The following WNT7A variants were observed in gnomAD, a reference collection of about 807,000 sequenced individuals.
WNT7A encodes the protein Wnt family member 7A, also known as protein Wnt-7a.
In WNT7A, 16 loss-of-function variants were observed where a neutral mutation model predicts 28.2. The observed-to-expected ratio is 0.57, with a 90% CI of 0.38 to 0.86. The LOEUF is 0.86. Among genes scored for constraint, WNT7A ranks in the 40% least tolerant of loss-of-function variants. WNT7A has a pLI of 0.00. For missense variants in WNT7A, 411 were observed against 489.7 expected (o/e 0.84, Z 1.52); for synonymous variants, 190 against 195.9 (o/e 0.97, Z 0.25).
At chr3:13,832,578 T>G (rs879792358) in intron 3 of WNT7A, among the ~76,000 whole-genome samples, 1 of 152,180 alleles carries the variant, frequency 6.6e-6, no homozygotes, top group Admixed American at 6.5e-5. Context: ...CGATCCATCT[T>G]AGCAGAAAGC....
chr3:13,856,890 GAAAAAGAAGAAGAAGAA>G (rs1694742305), intron 2 of WNT7A, among the ~76,000 whole-genome samples: 3 of 69,154 alleles, frequency 4.3e-5, no homozygotes, highest in East Asian at 7.0e-4. Context: ...GGAAGAAGAA[GAAAAAGAAGAAGAAGAA>G]GAAGAAGAAG....
intron 3 of WNT7A, among the ~76,000 whole-genome samples, chr3:13,839,122 T>C (rs1479475807): frequency 2.6e-5 from 4 of 152,214 alleles, no homozygotes; most frequent in African/African-American, 9.6e-5. Context: ...ATATGACCCA[T>C]GTGTTTGGTA....
At chr3:13,861,244 TC>T (rs980953030) in intron 2 of WNT7A, among the ~76,000 whole-genome samples, 12 of 152,228 alleles carry the variant, frequency 7.9e-5, no homozygotes, top group African/African-American at 2.9e-4. Context: ...GATCAGATCC[TC>T]CACCCCTGGC....
rs1420450445 is a variant in WNT7A, at chr3:13,856,878, GAGGAAGAAGAAGAAA to G, written c.299-2090_299-2076del. 1.9e-3 allele frequency among the ~76,000 whole-genome samples: 242 copies of G among 125,528 alleles called. 3 individuals are homozygous for G. The highest frequency in any genetic ancestry group is 0.012 in the South Asian group (40 of 3,208). The allele number at this position is 125,528 out of a possible 152,430, so 82.4% of individuals were successfully genotyped here. ...AGAAGAGGAAGAGGAAGAGGAAGAA[GAGGAAGAAGAAGAAA>G]AAGAAGAAGAAGAAGAAGAAGAAGA... On this transcript the variant is annotated intron_variant, in intron 2 of 3. Coordinates refer to ENST00000285018, the MANE Select transcript of WNT7A (RefSeq NM_004625.4).
chr3:13,856,960 A>AAGG (rs1294119465), intron 2 of WNT7A, among the ~76,000 whole-genome samples: 18 of 117,538 alleles, frequency 1.5e-4, no homozygotes, highest in African/African-American at 7.0e-4. Context: ...GAAGAAGAAG[A>AAGG]AGAAGAAGGA....
chr3:13,852,228 T>A (rs1275820773), intron 3 of WNT7A, among the ~76,000 whole-genome samples: 1 of 151,274 alleles, frequency 6.6e-6, no homozygotes. Flanking sequence ...CCGCTTCCCC[T>A]TCTCTCACAC....
At chr3:13,841,370 G>A (rs991298227) in intron 3 of WNT7A, among the ~76,000 whole-genome samples, 2 of 152,220 alleles carry the variant, frequency 1.3e-5, no homozygotes, top group African/African-American at 4.8e-5. Flanking sequence ...ATACACAAAA[G>A]AGAGGAAGTA....
chr3:13,832,600 C>T (rs1694299424), intron 3 of WNT7A, among the ~76,000 whole-genome samples: 1 of 152,172 alleles, frequency 6.6e-6, no homozygotes, highest in African/African-American at 2.4e-5. Context: ...GCATTTCAGC[C>T]AGCTGCAGCT....
At chr3:13,858,576 C>T (rs182908476) in intron 2 of WNT7A, among the ~76,000 whole-genome samples, 2 of 152,282 alleles carry the variant, frequency 1.3e-5, no homozygotes, top group South Asian at 2.1e-4. Flanking sequence ...TTCACCCCCC[C>T]GAGCTCCAGA....
intron 2 of WNT7A, among the ~76,000 whole-genome samples, chr3:13,856,993 A>AAGAAGAAGAAGG (rs1694756524): frequency 1.1e-4 from 17 of 147,848 alleles, no homozygotes; most frequent in African/African-American, 4.3e-4. Flanking sequence ...GAAGGAGAAG[A>AAGAAGAAGAAGG]AGAAGAAGAA....
intron 2 of WNT7A, among the ~76,000 whole-genome samples, chr3:13,862,520 T>C (rs533497758): frequency 6.6e-6 from 1 of 152,310 alleles, no homozygotes; most frequent in East Asian, 1.9e-4. Flanking sequence ...TTGGAAAATA[T>C]ACAGATGGAA....
Position 13,817,160 on chromosome 3 carries a change from T to C in WNT7A, c.*1784A>G, listed in dbSNP as rs1303913904. The C allele has an allele frequency of 6.6e-6, 1 of 152,098 alleles. No homozygotes were observed. The highest frequency in any genetic ancestry group is 1.9e-4 in the East Asian group (1 of 5,162). The allele number at this position is 152,098 out of a possible 1,614,324, so 9.4% of individuals were successfully genotyped here. On this transcript the variant is annotated 3_prime_UTR_variant, in exon 4 of 4. Coordinates refer to ENST00000285018, the MANE Select transcript of WNT7A (RefSeq NM_004625.4). Reference sequence around the variant, plus strand: ...GTGGGGACAGAGTTCAGAGGTGCCTTCTCTTGGCGGTTCAACACAATCACA... The same window carrying C: ...GTGGGGACAGAGTTCAGAGGTGCCTCCTCTTGGCGGTTCAACACAATCACA...
At chr3:13,876,055 A>C (rs901301636) in intron 1 of WNT7A, 1 of 152,392 alleles carries the variant, frequency 6.6e-6, no homozygotes. Flanking sequence ...CTGGGATGGC[A>C]ACTGGGGTGT....
intron 3 of WNT7A, among the ~76,000 whole-genome samples, chr3:13,845,776 G>A (rs549529780): frequency 6.6e-6 from 1 of 152,358 alleles, no homozygotes; most frequent in South Asian, 2.1e-4. Context: ...GGCCTAGGAT[G>A]TGTGCCACTT....
At chr3:13,829,717 G>C (rs1170542442) in intron 3 of WNT7A, among the ~76,000 whole-genome samples, 1 of 152,190 alleles carries the variant, frequency 6.6e-6, no homozygotes. Flanking sequence ...GGGAGACAAG[G>C]AGGGCAGGGG....
intron 2 of WNT7A, among the ~76,000 whole-genome samples, chr3:13,870,358 G>A (rs759967542): frequency 2.0e-5 from 3 of 152,188 alleles, no homozygotes; most frequent in Non-Finnish European, 4.4e-5. Context: ...AGAACCCAGG[G>A]AGAAGGTGGC....
At chr3:13,852,396 C>T (rs987470506) in intron 3 of WNT7A, among the ~76,000 whole-genome samples, 1 of 152,234 alleles carries the variant, frequency 6.6e-6, no homozygotes, top group African/African-American at 2.4e-5. Context: ...GGTTTCCCAG[C>T]CCTGCCATGC....
At chr3:13,829,756 T>A (rs1454547339) in intron 3 of WNT7A, among the ~76,000 whole-genome samples, 1 of 152,094 alleles carries the variant, frequency 6.6e-6, no homozygotes, top group African/African-American at 2.4e-5. Context: ...GCTGAAGTTG[T>A]CCACACTCTC....
At chr3:13,872,361 C>A (rs1381357583) in intron 2 of WNT7A, among the ~76,000 whole-genome samples, 1 of 152,078 alleles carries the variant, frequency 6.6e-6, no homozygotes, top group Non-Finnish European at 1.5e-5. Context: ...TATTATGTTG[C>A]CACTTCTGTG....
Sources: allele counts gnomAD v4.1 joint callset (sites outside exome capture counted in the v4.1 genomes callset), GRCh38; gene constraint gnomAD v4.1.1; transcripts MANE v1.5; gene names NCBI Gene and HGNC (gene_info 2026-07-23, HGNC 2026-07-21).